The following DPP10 variants were observed in gnomAD, a reference collection of about 807,000 sequenced individuals.
DPP10 encodes the protein inactive dipeptidyl peptidase 10.
A neutral mutation model predicts 120.9 loss-of-function variants in DPP10; 33 were observed. The observed-to-expected ratio is 0.27, with a 90% CI of 0.21 to 0.37. DPP10 has a LOEUF of 0.37. Ranked by LOEUF, DPP10 falls within the 10% of genes least tolerant of loss-of-function variation. DPP10 has a pLI of 1.00. For missense variants in DPP10, 816 were observed against 942.8 expected, an observed-to-expected ratio of 0.87 and a Z score of 1.76; for synonymous variants, 337 against 326.1, an observed-to-expected ratio of 1.03 and a Z score of -0.36.
At chr2:114,836,832 T>G (rs562376162) in intron 1 of DPP10, among the ~76,000 whole-genome samples, 3 of 152,350 alleles carry the variant, frequency 2.0e-5, no homozygotes, top group East Asian at 1.9e-4. Context: ...ACCTCAGTGA[T>G]GCATTCTCTT....
At chr2:115,795,908 CT>C (rs1313682411) in intron 19 of DPP10, among the ~76,000 whole-genome samples, 2 of 151,968 alleles carry the variant, frequency 1.3e-5, no homozygotes, top group Non-Finnish European at 2.9e-5. Flanking sequence ...TAGTTTATTG[CT>C]TTTTGCTCTC....
intron 1 of DPP10, among the ~76,000 whole-genome samples, chr2:114,963,244 C>T (rs1466100778): frequency 6.6e-6 from 1 of 152,046 alleles, no homozygotes; most frequent in Admixed American, 6.5e-5. Context: ...GCCACAGGGA[C>T]GTTAAAGTTT....
chr2:115,604,077 CTGTTTTTT>C (rs1478247900), intron 5 of DPP10, among the ~76,000 whole-genome samples: 1 of 2,934 alleles, frequency 3.4e-4, no homozygotes, highest in Admixed American at 9.6e-3. Context: ...TCCCTTCTAG[CTGTTTTTT>C]TTTTTTTTTT....
intron 1 of DPP10, among the ~76,000 whole-genome samples, chr2:114,865,439 C>G (rs1029602123): frequency 1.3e-5 from 2 of 152,154 alleles, no homozygotes; most frequent in African/African-American, 4.8e-5. Flanking sequence ...AAATCTATTA[C>G]AAAGCCTGAC....
At chr2:115,029,098 G>A (rs1005534382) in intron 1 of DPP10, among the ~76,000 whole-genome samples, 1 of 151,768 alleles carries the variant, frequency 6.6e-6, no homozygotes, top group African/African-American at 2.4e-5. Context: ...CTATTTTGTT[G>A]CTTATTTTCT....
chr2:114,750,706 G>A (rs961904673), intron 1 of DPP10, among the ~76,000 whole-genome samples: 3 of 152,214 alleles, frequency 2.0e-5, no homozygotes, highest in Admixed American at 6.5e-5. Flanking sequence ...GTAGATGCCA[G>A]CCAGCCTATT....
At chr2:115,328,983 A>G (rs1280187218) in intron 2 of DPP10, among the ~76,000 whole-genome samples, 1 of 152,084 alleles carries the variant, frequency 6.6e-6, no homozygotes, top group African/African-American at 2.4e-5. Flanking sequence ...AGAGAAGCAG[A>G]GGTTAGATTT....
intron 7 of DPP10, among the ~76,000 whole-genome samples, chr2:115,698,835 C>CA (rs1228317301): frequency 2.0e-5 from 3 of 151,172 alleles, no homozygotes; most frequent in East Asian, 1.9e-4. Flanking sequence ...CATTAGAAAA[C>CA]AAAAAAAGAT....
intron 3 of DPP10, among the ~76,000 whole-genome samples, chr2:115,384,207 G>A (rs986200489): frequency 1.3e-5 from 2 of 152,038 alleles, no homozygotes; most frequent in African/African-American, 4.8e-5. Context: ...TGCAAGGTGA[G>A]GCATAAAAAC....
At chr2:115,821,259 AT>A (rs1687791316) in intron 21 of DPP10, among the ~76,000 whole-genome samples, 1 of 152,120 alleles carries the variant, frequency 6.6e-6, no homozygotes, top group African/African-American at 2.4e-5. Flanking sequence ...TTCTAAGTAC[AT>A]TTTAAGGCTA....
intron 7 of DPP10, among the ~76,000 whole-genome samples, chr2:115,695,961 T>C (rs1262982735): frequency 1.3e-5 from 2 of 151,894 alleles, no homozygotes; most frequent in Non-Finnish European, 2.9e-5. Flanking sequence ...TTACAGTAAC[T>C]GAAATAACAG....
At chr2:115,354,819 TG>T (rs2064266247) in intron 3 of DPP10, among the ~76,000 whole-genome samples, 2 of 152,072 alleles carry the variant, frequency 1.3e-5, no homozygotes, top group Non-Finnish European at 2.9e-5. Flanking sequence ...TCTGTTCCTG[TG>T]TTAGTTTGCT....
intron 12 of DPP10, among the ~76,000 whole-genome samples, chr2:115,766,288 G>A (rs1298283667): frequency 9.7e-5 from 5 of 51,678 alleles, no homozygotes; most frequent in African/African-American, 2.5e-4. Context: ...TTATATATAT[G>A]TGTGTGTGTG....
At chr2:114,771,726 C>A (rs1369700) in intron 1 of DPP10, among the ~76,000 whole-genome samples, 10,883 of 152,204 alleles carry the variant, frequency 0.072, 1,063 homozygotes, top group African/African-American at 0.22. Flanking sequence ...TTCAACACTT[C>A]CAACACTTCC....
At chr2:115,013,658 CAAAAAAAAAAA>C (rs59313783) in intron 1 of DPP10, among the ~76,000 whole-genome samples, 1 of 58,414 alleles carries the variant, frequency 1.7e-5, no homozygotes, top group Non-Finnish European at 3.7e-5. Context: ...AAATGGAAAG[CAAAAAAAAAAA>C]AAAAAAAAAG....
At chr2:114,467,191 A>G (rs1172040239) in intron 1 of DPP10, among the ~76,000 whole-genome samples, 1 of 152,204 alleles carries the variant, frequency 6.6e-6, no homozygotes, top group Non-Finnish European at 1.5e-5. Flanking sequence ...AGTAAGTGGT[A>G]AGGAACCCTT....
At chr2:115,261,731 G>T (rs551353735) in intron 1 of DPP10, among the ~76,000 whole-genome samples, 1 of 152,112 alleles carries the variant, frequency 6.6e-6, no homozygotes, top group Non-Finnish European at 1.5e-5. Context: ...TCACTCTTTT[G>T]TATCCTTTCT....
At chr2:114,755,097 G>T (rs1679604556) in intron 1 of DPP10, among the ~76,000 whole-genome samples, 2 of 152,174 alleles carry the variant, frequency 1.3e-5, no homozygotes, top group African/African-American at 4.8e-5. Flanking sequence ...TAGCTAGTTG[G>T]ATATTTTGTT....
chr2:115,184,706 A>G (rs1368432597), intron 1 of DPP10, among the ~76,000 whole-genome samples: 3 of 152,334 alleles, frequency 2.0e-5, no homozygotes, highest in African/African-American at 7.2e-5. Flanking sequence ...TACACCTTCA[A>G]ACATTCGTAC....
Sources: allele counts gnomAD v4.1 joint callset (sites outside exome capture counted in the v4.1 genomes callset), GRCh38; gene constraint gnomAD v4.1.1; transcripts MANE v1.5; gene names NCBI Gene and HGNC (gene_info 2026-07-23, HGNC 2026-07-21).